BNC2: variants seen among roughly 807,000 people sequenced by gnomAD.
BNC2 encodes the protein zinc finger protein basonuclin-2.
In BNC2, 20 loss-of-function variants were observed where a neutral mutation model predicts 76.3. That is an observed-to-expected ratio of 0.26 (90% confidence interval 0.18 to 0.38). BNC2 has a LOEUF of 0.38. Among genes scored for constraint, BNC2 ranks in the 10% least tolerant of loss-of-function variants. BNC2 has a pLI of 1.00. For missense variants in BNC2, 1,382 were observed against 1,399.8 expected (o/e 0.99, Z 0.20); for synonymous variants, 582 against 514.8 (o/e 1.13, Z -1.77).
chr9:16,820,379 T>G (rs1818293327), intron 1 of BNC2, among the ~76,000 whole-genome samples: 1 of 151,660 alleles, frequency 6.6e-6, no homozygotes, highest in African/African-American at 2.4e-5. Context: ...TGAGCCGAGA[T>G]CGCACCATTG....
chr9:16,861,535 A>G (rs961780680), intron 1 of BNC2, among the ~76,000 whole-genome samples: 1 of 152,180 alleles, frequency 6.6e-6, no homozygotes, highest in African/African-American at 2.4e-5. Flanking sequence ...TGTTTTCCAG[A>G]AAAGATACAC....
chr9:16,488,131 G>A (rs188120952), intron 5 of BNC2, among the ~76,000 whole-genome samples: 214 of 152,264 alleles, frequency 1.4e-3, no homozygotes, highest in African/African-American at 5.0e-3. Context: ...ATGGCAGTGT[G>A]GGTTACTACA....
At chr9:16,612,604 A>G (rs1279681089) in intron 3 of BNC2, among the ~76,000 whole-genome samples, 5 of 152,204 alleles carry the variant, frequency 3.3e-5, no homozygotes, top group Non-Finnish European at 7.3e-5. Context: ...TAGAAAACAG[A>G]ATTCTAAACC....
At chr9:16,570,575 G>T (rs150009678) in intron 4 of BNC2, among the ~76,000 whole-genome samples, 1 of 152,106 alleles carries the variant, frequency 6.6e-6, no homozygotes, top group East Asian at 1.9e-4. Context: ...CATAAAAACG[G>T]GTTAAGAGGG....
intron 1 of BNC2, among the ~76,000 whole-genome samples, chr9:16,845,310 A>C (rs956469267): frequency 1.4e-5 from 2 of 147,708 alleles, no homozygotes; most frequent in African/African-American, 2.5e-5. Flanking sequence ...ATTATTCAAC[A>C]CCAGCTTTTT....
intron 1 of BNC2, among the ~76,000 whole-genome samples, chr9:16,865,793 T>A (rs973695346): frequency 6.6e-6 from 1 of 152,160 alleles, no homozygotes; most frequent in African/African-American, 2.4e-5. Context: ...CTTACGCATA[T>A]TGAGTTAGAA....
At chr9:16,589,752 C>T (rs1819872916) in intron 3 of BNC2, among the ~76,000 whole-genome samples, 2 of 152,082 alleles carry the variant, frequency 1.3e-5, no homozygotes, top group Non-Finnish European at 2.9e-5. Context: ...TCGTGATCCA[C>T]CCGCCTCGGC....
chr9:16,572,759 C>T (rs1453228217), intron 4 of BNC2, among the ~76,000 whole-genome samples: 2 of 151,982 alleles, frequency 1.3e-5, no homozygotes, highest in Admixed American at 6.6e-5. Flanking sequence ...CGTCAAAGTA[C>T]GAAAAACTGG....
chr9:16,712,966 G>T (rs1823892596), intron 3 of BNC2, among the ~76,000 whole-genome samples: 1 of 152,158 alleles, frequency 6.6e-6, no homozygotes, highest in South Asian at 2.1e-4. Flanking sequence ...AGACTAGGAG[G>T]CTCCAAAAGG....
chr9:16,526,944 C>A (rs140087400), intron 5 of BNC2, among the ~76,000 whole-genome samples: 1 of 152,156 alleles, frequency 6.6e-6, no homozygotes, highest in Non-Finnish European at 1.5e-5. Context: ...TTAGTTGGTA[C>A]AGTCAATGCC....
At chr9:16,554,964 G>A (rs113698676) in intron 4 of BNC2, among the ~76,000 whole-genome samples, 3 of 152,112 alleles carry the variant, frequency 2.0e-5, no homozygotes, top group Non-Finnish European at 4.4e-5. Flanking sequence ...TCAAATTGTA[G>A]GTGAAAAAAA....
intron 3 of BNC2, among the ~76,000 whole-genome samples, chr9:16,725,100 G>A (rs1280421861): frequency 6.6e-6 from 1 of 151,924 alleles, no homozygotes; most frequent in South Asian, 2.1e-4. Context: ...TGATTAAACT[G>A]GACAAACTTT....
chr9:16,473,246 A>AGATTCT (rs1821861503), intron 5 of BNC2: 1 of 152,250 alleles, frequency 6.6e-6, no homozygotes, highest in African/African-American at 2.4e-5. Context: ...AGAAGAATTC[A>AGATTCT]GATTCTTTAA....
In BNC2 at chr9:16,659,380, T is replaced by G. The variant is rs143791334; in HGVS notation, c.330+68417A>C. Among the ~76,000 whole-genome samples the G allele has an allele frequency of 4.6e-5, 7 of 151,772 alleles. No individual in the cohort carries two copies. The East Asian group carries it at 9.7e-4, about 21-fold the overall frequency. On this transcript the variant is annotated intron_variant, in intron 3 of 6. Transcript: ENST00000380672. The stretch of plus-strand genomic sequence containing the variant: ...ATCACAGCACTTTGGGGGGCCGAGG[T>G]GGGCAGATCAGGAGGTCAGGAGATT...
intron 3 of BNC2, among the ~76,000 whole-genome samples, chr9:16,607,558 G>C (rs1820420908): frequency 6.6e-6 from 1 of 151,946 alleles, no homozygotes; most frequent in Non-Finnish European, 1.5e-5. Context: ...AATTTTCAAA[G>C]CAAAAAAAGT....
rs950708075 is a variant in BNC2, at chr9:16,467,395, C to T, written c.670-29871G>A. Among the ~76,000 whole-genome samples, 1,388 of 149,386 alleles carry T rather than the reference C, an allele frequency of 9.3e-3. 18 individuals carry two copies. Among genetic ancestry groups the T allele is most frequent in the African/African-American group, 0.031 (1,220 of 39,758 alleles). On this transcript the variant is annotated intron_variant, in intron 5 of 6. Coordinates refer to ENST00000380672, the MANE Select transcript of BNC2 (RefSeq NM_017637.6). ...GACACAGGCACACGTATGTTTATTG[C>T]GGCACTATTCACAATAGCAAAGACT...
rs145266943 is a variant in BNC2 at position 16,482,481 on chromosome 9, T to C, written c.670-44957A>G. Among the ~76,000 whole-genome samples, 66 of 152,210 alleles carry C rather than the reference T, an allele frequency of 4.3e-4. 1 individual carries two copies. In the South Asian group the frequency reaches 4.8e-3, roughly 11 times the overall value. On this transcript the variant is annotated intron_variant, in intron 5 of 6. Coordinates refer to ENST00000380672, the MANE Select transcript of BNC2 (RefSeq NM_017637.6). The stretch of plus-strand genomic sequence containing the variant: ...AGAAAAAAAAAACCCTCTTCTTATA[T>C]TGAACAACAAAAGAAGGAAATAAAG...
At chr9:16,462,621 A>G (rs1028469006) in intron 5 of BNC2, among the ~76,000 whole-genome samples, 6 of 152,228 alleles carry the variant, frequency 3.9e-5, no homozygotes, top group Non-Finnish European at 7.3e-5. Context: ...CTTTACTTGT[A>G]GGATACTTTA....
chr9:16,726,452 T>TTA (rs1824320590), intron 3 of BNC2, among the ~76,000 whole-genome samples: 1 of 151,836 alleles, frequency 6.6e-6, no homozygotes, highest in Non-Finnish European at 1.5e-5. Flanking sequence ...TTTCTAAACT[T>TTA]GTAGTAGTTT....
Sources: gnomAD v4.1 joint callset for allele counts (sites outside exome capture counted in the v4.1 genomes callset) on GRCh38, gnomAD v4.1.1 for gene constraint, MANE v1.5 for transcripts, NCBI Gene and HGNC (gene_info 2026-07-23, HGNC 2026-07-21) for gene names.